ANKLE2: variants seen among roughly 807,000 people sequenced by gnomAD.
The protein encoded by ANKLE2 is ankyrin repeat and LEM domain-containing protein 2.
In ANKLE2, 55 loss-of-function variants were observed where a neutral mutation model predicts 84.2. The observed-to-expected ratio is 0.65, with a 90% CI of 0.53 to 0.82. The LOEUF (loss-of-function observed/expected upper bound fraction) is 0.82, where lower values mean the gene tolerates loss of function less well. ANKLE2 is among the 40% of genes least tolerant of loss of function. The pLI, the probability that ANKLE2 is intolerant of heterozygous loss-of-function variation, is 0.00. For synonymous variants in ANKLE2, 551 were observed against 486.1 expected, an observed-to-expected ratio of 1.13 and a Z score of -1.76; for missense variants, 1,238 against 1,201.9, an observed-to-expected ratio of 1.03 and a Z score of -0.44.
At chr12:132,731,221 T>C (rs1188558988) in intron 10 of ANKLE2, 3 of 152,220 alleles carry the variant, frequency 2.0e-5, no homozygotes, top group Non-Finnish European at 4.4e-5. Flanking sequence ...AAAATGTACA[T>C]AGTCACAAGA....
intron 5 of ANKLE2, among the ~76,000 whole-genome samples, chr12:132,744,041 C>T (rs976687638): frequency 2.2e-4 from 34 of 152,328 alleles, no homozygotes; most frequent in Admixed American, 8.5e-4. Context: ...CCCAGGTCTC[C>T]GTCCATGACG....
chr12:132,728,211 A>C (rs549019108), intron 11 of ANKLE2, 48 bp from the exon 12 acceptor site: 13 of 1,596,956 alleles, frequency 8.1e-6, no homozygotes, highest in Non-Finnish European at 1.1e-5. Flanking sequence ...TAAAAACATA[A>C]AGACTTCTAA....
At chr12:132,755,291 C>G in intron 1 of ANKLE2, 158 bp from the exon 2 acceptor site, 1 of 670,942 alleles carries the variant, frequency 1.5e-6, no homozygotes. Flanking sequence ...CGCCTGTAAT[C>G]CCAGCATTTT....
chr12:132,741,384 G>A (rs775930197), intron 7 of ANKLE2, 35 bp downstream of exon 7: 28 of 1,609,380 alleles, frequency 1.7e-5, no homozygotes, highest in Non-Finnish European at 2.2e-5. Flanking sequence ...TCCCGGCGTG[G>A]ACCCCACGAT....
In ANKLE2 at chr12:132,750,845, C is replaced by T; in HGVS notation, c.645G>A (p.Arg215=). 1 of 1,613,600 alleles carries T rather than the reference C, an allele frequency of 6.2e-7. No individual in the cohort carries two copies. The highest frequency in any genetic ancestry group is 8.5e-7 in the Non-Finnish European group (1 of 1,179,738). The part of the protein sequence containing the change: ...VYEDVPARNE[R]IYVYENKKEA... ...CCTTTTTATTTTCATAAACATAGAT[C>T]CTTTCTGGGTAAGAAAAGTAACAAA... The change falls in exon 3 of 13, where the codon AGG becomes AGA. Residue 215 remains arginine (R), a synonymous_variant. Coordinates refer to ENST00000357997, the MANE Select transcript of ANKLE2 (RefSeq NM_015114.3).
At position 132,754,703 on chromosome 12, in the gene ANKLE2, T is replaced by A; in HGVS notation, c.612A>T (p.Pro204=). ...KEPPLYYGVC[P]VYEDVPARNE... is the part of the protein sequence containing the mutation. ...TTCTCGCTGGGACGTCCTCATACAC[T>A]GGACACACCCCATAGTACAGGGGCG... The change falls in exon 2 of 13, where the codon CCA becomes CCT. Residue 204 remains proline (P), a synonymous_variant. Transcript: ENST00000357997. 1 of 1,612,446 alleles carries A rather than the reference T, an allele frequency of 6.2e-7. No homozygotes were observed. Among genetic ancestry groups the A allele is most frequent in the East Asian group, 2.2e-5 (1 of 44,842 alleles).
At chr12:132,741,632 G>A (rs530579775) in intron 6 of ANKLE2, 147 bp from the exon 7 acceptor site, 215 of 762,176 alleles carry the variant, frequency 2.8e-4, no homozygotes, top group African/African-American at 2.8e-3. Flanking sequence ...CTCAGAAAAC[G>A]TGTGAAGAGT....
At chr12:132,761,045 G>GT (rs2044613312) in intron 1 of ANKLE2, 1 of 152,242 alleles carries the variant, frequency 6.6e-6, no homozygotes, top group South Asian at 2.1e-4. Flanking sequence ...CACTGTATCA[G>GT]TTACCTCAAA....
intron 5 of ANKLE2, 133 bp downstream of exon 5, chr12:132,747,699 G>T: frequency 1.8e-6 from 2 of 1,134,604 alleles, no homozygotes; most frequent in Non-Finnish European, 2.4e-6. Context: ...AAGGCAGGTT[G>T]CAGGGGTGTA....
rs543333952 is a variant in ANKLE2 at position 132,751,160 on chromosome 12, A to T, written c.641-311T>A. On this transcript the variant is annotated intron_variant, in intron 2 of 12. Transcript: ENST00000357997. The stretch of plus-strand genomic sequence containing the variant: ...AATAAAAATTATTAAAAGGCAAATT[A>T]AAAAAAAAAACTATAATTATGTCAG... The T allele has an allele frequency of 1.1e-4, 12 of 109,552 alleles. No individual in the cohort carries two copies. The South Asian group carries it at 1.2e-3, about 11-fold the overall frequency. The allele number at this position is 109,552 out of a possible 1,614,324, so 6.8% of individuals were successfully genotyped here. A position where few individuals can be genotyped will look rare whatever the true frequency, so the allele number is the denominator to read the frequency against.
At chr12:132,747,659 G>A (rs1370344976) in intron 5 of ANKLE2, among the ~76,000 whole-genome samples, 173 bp downstream of exon 5, 1 of 152,224 alleles carries the variant, frequency 6.6e-6, no homozygotes, top group African/African-American at 2.4e-5. Flanking sequence ...CCCAGCGCTC[G>A]GTGCCCTTTG....
intron 3 of ANKLE2, among the ~76,000 whole-genome samples, chr12:132,750,402 G>A (rs927386709): frequency 1.3e-5 from 2 of 151,382 alleles, no homozygotes; most frequent in Admixed American, 1.3e-4. Context: ...AAAAAAAAAA[G>A]AAAAAAATCC....
At chr12:132,761,377 C>T (rs2044621296) in intron 1 of ANKLE2, 1 of 328,818 alleles carries the variant, frequency 3.0e-6, no homozygotes, top group East Asian at 4.7e-5. Flanking sequence ...GCTCCAGGGC[C>T]CGGGAAAGCT....
At chr12:132,758,785 T>C (rs1252125270) in intron 1 of ANKLE2, 1 of 152,320 alleles carries the variant, frequency 6.6e-6, no homozygotes, top group Non-Finnish European at 1.5e-5. Context: ...CCTCCCAAAG[T>C]GCTGGGATTA....
chr12:132,731,664 C>T (rs2043849210), intron 10 of ANKLE2: 1 of 152,114 alleles, frequency 6.6e-6, no homozygotes, highest in Admixed American at 6.5e-5. Context: ...GCTCAAGCTG[C>T]CTTCGAACTC....
In ANKLE2 at chr12:132,729,776, C is replaced by T; in HGVS notation, c.2386G>A (p.Ala796Thr). 1 of 1,612,528 alleles carries T rather than the reference C, an allele frequency of 6.2e-7. No individual in the cohort carries two copies. The highest frequency in any genetic ancestry group is 1.7e-4 in the Middle Eastern group (1 of 6,060). Reference sequence around the variant, plus strand: ...CTCAAGGACATTTTAGCGATCCTGGCTGACATTTCACTTTCTGTCCTCCTG... The same window carrying T: ...CTCAAGGACATTTTAGCGATCCTGGTTGACATTTCACTTTCTGTCCTCCTG... ...GHRRTESEMS[A>T]RIAKMSLSPS... The change falls in exon 11 of 13, where the codon GCC (alanine) becomes ACC (threonine). Residue 796 changes from alanine (A) to threonine (T), a missense_variant. By Grantham distance (58) the Ala-to-Thr change is moderately conservative. Coordinates refer to ENST00000357997, the MANE Select transcript of ANKLE2 (RefSeq NM_015114.3).
chr12:132,734,995 T>G (rs2043978846), intron 9 of ANKLE2: 1 of 287,170 alleles, frequency 3.5e-6, no homozygotes. Flanking sequence ...CACCTGACAC[T>G]GGGCACATAT....
At chr12:132,744,922 C>T (rs570702659) in intron 5 of ANKLE2, among the ~76,000 whole-genome samples, 240 of 152,296 alleles carry the variant, frequency 1.6e-3, no homozygotes, top group African/African-American at 5.3e-3. Flanking sequence ...CCTCGTGATC[C>T]GCCTGCCTCG....
At chr12:132,757,039 T>C (rs910973174) in intron 1 of ANKLE2, 1 of 152,160 alleles carries the variant, frequency 6.6e-6, no homozygotes, top group Non-Finnish European at 1.5e-5. Context: ...TGCACCTAAC[T>C]GTATTACAAG....
Sources: gnomAD v4.1 joint callset for allele counts (sites outside exome capture counted in the v4.1 genomes callset) on GRCh38, gnomAD v4.1.1 for gene constraint, MANE v1.5 for transcripts, NCBI Gene and HGNC (gene_info 2026-07-23, HGNC 2026-07-21) for gene names.